ARIH1: variants seen among roughly 807,000 people sequenced by gnomAD.
ARIH1 encodes ariadne RBR E3 ubiquitin protein ligase 1, also known as E3 ubiquitin-protein ligase ARIH1.
In ARIH1, 8 loss-of-function variants were observed where a neutral mutation model predicts 85.0. The observed-to-expected ratio is 0.09, with a 90% CI of 0.06 to 0.17. ARIH1 has a LOEUF of 0.17. Among genes scored for constraint, ARIH1 ranks in the 10% least tolerant of loss-of-function variants. ARIH1 has a pLI of 1.00. For synonymous variants in ARIH1, 238 were observed against 253.6 expected, an observed-to-expected ratio of 0.94 and a Z score of 0.59; for missense variants, 311 against 718.1, an observed-to-expected ratio of 0.43 and a Z score of 6.48.
rs1260237865 is a variant in ARIH1, at chr15:72,592,061, C to A, written c.*8769C>A. The A allele has an allele frequency of 1.3e-5, 2 of 152,186 alleles. No homozygotes were observed. The highest frequency in any genetic ancestry group is 2.9e-5 in the Non-Finnish European group (2 of 68,042). The allele number at this position is 152,186 out of a possible 1,614,324, so 9.4% of individuals were successfully genotyped here. ...GGGATTAATGAAAAGTTATAGTGTT[C>A]TGCATGCCTTTGAATAATTAATTTT... On this transcript the variant is annotated 3_prime_UTR_variant, in exon 14 of 14. Transcript: ENST00000379887.
chr15:72,513,596 C>T (rs901280049), intron 1 of ARIH1, among the ~76,000 whole-genome samples: 1 of 151,944 alleles, frequency 6.6e-6, no homozygotes, highest in African/African-American at 2.4e-5. Flanking sequence ...TCCTGTAGTT[C>T]CAAGTTTACC....
intron 1 of ARIH1, among the ~76,000 whole-genome samples, chr15:72,477,471 A>C (rs2063799222): frequency 6.6e-6 from 1 of 152,202 alleles, no homozygotes; most frequent in African/African-American, 2.4e-5. Flanking sequence ...GGTAAGATAC[A>C]TTTGCAGGTG....
chr15:72,517,233 A>G (rs1400827121), intron 1 of ARIH1, among the ~76,000 whole-genome samples: 1 of 152,094 alleles, frequency 6.6e-6, no homozygotes, highest in Non-Finnish European at 1.5e-5. Context: ...CTTAAAAGTG[A>G]TTTGAACTCA....
intron 9 of ARIH1, among the ~76,000 whole-genome samples, chr15:72,569,260 AT>A (rs1292731393): frequency 2.0e-5 from 3 of 152,196 alleles, no homozygotes; most frequent in Non-Finnish European, 2.9e-5. Flanking sequence ...GTGAGCCATG[AT>A]TGCACTGCTG....
rs1567341859 is a variant in ARIH1 at position 72,506,076 on chromosome 15, G to GT, written c.376-11991_376-11990insT. 5.0e-4 allele frequency among the ~76,000 whole-genome samples: 13 copies of GT among 26,066 alleles called. No individual in the cohort carries two copies. The East Asian group carries it at 0.43, about 859-fold the overall frequency. 17.1% of individuals were successfully genotyped at this position (26,066 alleles called of 152,430 possible). The stretch of plus-strand genomic sequence containing the variant: ...AAAACTTAGTCATTGTGGGCCAGGC[G>GT]CGTGGCTCACGCCTATAATACCAGC... On this transcript the variant is annotated intron_variant, in intron 1 of 13. Coordinates refer to ENST00000379887, the MANE Select transcript of ARIH1 (RefSeq NM_005744.5).
At chr15:72,569,932 C>T (rs2064236006) in intron 9 of ARIH1, among the ~76,000 whole-genome samples, 1 of 152,122 alleles carries the variant, frequency 6.6e-6, no homozygotes, top group Non-Finnish European at 1.5e-5. Context: ...TAGTGAGACT[C>T]TGTTTCTAAG....
chr15:72,484,694 C>A (rs572826025), intron 1 of ARIH1, among the ~76,000 whole-genome samples: 2 of 147,380 alleles, frequency 1.4e-5, no homozygotes, highest in South Asian at 2.2e-4. Flanking sequence ...TATATGTATG[C>A]GTGTGTATAC....
intron 10 of ARIH1, 80 bp downstream of exon 10, chr15:72,570,387 A>G: frequency 6.5e-7 from 1 of 1,543,564 alleles, no homozygotes. Flanking sequence ...TACCTCATAG[A>G]TATCACCATC....
At chr15:72,551,896 TAAA>T (rs1434824801) in intron 3 of ARIH1, among the ~76,000 whole-genome samples, 2 of 152,212 alleles carry the variant, frequency 1.3e-5, no homozygotes, top group African/African-American at 4.8e-5. Flanking sequence ...TCATTTATAA[TAAA>T]AATTCAAATC....
intron 1 of ARIH1, among the ~76,000 whole-genome samples, chr15:72,493,506 T>C (rs1307710435): frequency 6.6e-6 from 1 of 152,172 alleles, no homozygotes; most frequent in Non-Finnish European, 1.5e-5. Context: ...ACTGAAGGGT[T>C]GGTGGGTTTT....
In ARIH1 at chr15:72,557,633, T is replaced by A. The variant is rs182336761; in HGVS notation, c.737+1726T>A. ...CATAAATTCTTTGCCAAGGCTGATG[T>A]CTAGAATGGTATTTCCTGGATTTTC... On this transcript the variant is annotated intron_variant, in intron 5 of 13. Coordinates refer to ENST00000379887, the MANE Select transcript of ARIH1 (RefSeq NM_005744.5). Among the ~76,000 whole-genome samples, 6 of 152,328 alleles carry A rather than the reference T, an allele frequency of 3.9e-5. No individual in the cohort carries two copies. In the East Asian group the frequency reaches 1.2e-3, roughly 29 times the overall value.
intron 1 of ARIH1, among the ~76,000 whole-genome samples, chr15:72,498,208 T>TTAAATGATG (rs1178754769): frequency 1.3e-5 from 2 of 151,544 alleles, no homozygotes; most frequent in African/African-American, 4.8e-5. Flanking sequence ...AATGATGCAT[T>TTAAATGATG]CTTATGTCAA....
chr15:72,566,830 G>A (rs2064223146), intron 8 of ARIH1, among the ~76,000 whole-genome samples: 1 of 152,062 alleles, frequency 6.6e-6, no homozygotes, highest in South Asian at 2.1e-4. Context: ...TCTTTGTCAG[G>A]CTTTGTAATT....
rs1166373919 is a variant in ARIH1, at chr15:72,561,431, GA to G, written c.738-48del. 3.8e-6 allele frequency: 5 copies of G among 1,332,452 alleles called. No individual in the cohort carries two copies. In the East Asian group the frequency reaches 1.2e-4, roughly 31 times the overall value. The allele number at this position is 1,332,452 out of a possible 1,614,324, so 82.5% of individuals were successfully genotyped here. A position where few individuals can be genotyped will look rare whatever the true frequency, so the allele number is the denominator to read the frequency against. On this transcript the variant is annotated intron_variant, in intron 5 of 13. Coordinates refer to ENST00000379887, the MANE Select transcript of ARIH1 (RefSeq NM_005744.5). ...TTTGAAACTATGTTTTATAAATGTG[GA>G]AAATACTCTTGACTGGAAACTTTCT...
chr15:72,485,479 CAGTG>C (rs2063834178), intron 1 of ARIH1, among the ~76,000 whole-genome samples: 1 of 152,026 alleles, frequency 6.6e-6, no homozygotes, highest in Admixed American at 6.6e-5. Flanking sequence ...AAATAAATAA[CAGTG>C]AGCTATTTTT....
intron 2 of ARIH1, among the ~76,000 whole-genome samples, chr15:72,528,803 G>A (rs1457821534): frequency 1.3e-5 from 2 of 152,130 alleles, no homozygotes; most frequent in Middle Eastern, 3.4e-3. Flanking sequence ...TGTGATCTGT[G>A]ATCATGTCAC....
rs757143121 is a variant in ARIH1, at chr15:72,474,660, C to T, written c.21C>T (p.Tyr7=). MDSDEG[Y]NYEFDEDEEC... ...GCGCCATGGACTCGGACGAGGGCTA[C>T]AACTACGAGTTCGACGAGGACGAGG... The change falls in exon 1 of 14, where the codon TAC becomes TAT. Residue 7 remains tyrosine, a synonymous_variant. Transcript: ENST00000379887. The T allele has an allele frequency of 6.4e-7, 1 of 1,552,176 alleles. No individual in the cohort carries two copies. Among genetic ancestry groups the T allele is most frequent in the Non-Finnish European group, 8.7e-7 (1 of 1,150,910 alleles).
chr15:72,577,706 A>G (rs943384510), intron 11 of ARIH1, among the ~76,000 whole-genome samples: 5 of 152,102 alleles, frequency 3.3e-5, no homozygotes, highest in Admixed American at 2.6e-4. Flanking sequence ...AAAACGGATC[A>G]TCATAAAGGT....
intron 2 of ARIH1, among the ~76,000 whole-genome samples, chr15:72,539,510 A>G (rs2064097257): frequency 6.6e-6 from 1 of 152,212 alleles, no homozygotes; most frequent in Admixed American, 6.5e-5. Context: ...TGTTGATAGC[A>G]GAAAGAAATA....
Sources: gnomAD v4.1 joint callset for allele counts (sites outside exome capture counted in the v4.1 genomes callset) on GRCh38, gnomAD v4.1.1 for gene constraint, MANE v1.5 for transcripts, NCBI Gene and HGNC (gene_info 2026-07-23, HGNC 2026-07-21) for gene names.